CCDC171: variants seen among roughly 807,000 people sequenced by gnomAD.
CCDC171 encodes the protein coiled-coil domain-containing protein 171.
Under a neutral mutation model 168.2 loss-of-function variants are expected in CCDC171, and 177 were observed. That is an observed-to-expected ratio of 1.05 (90% CI 0.93 to 1.19). The LOEUF (loss-of-function observed/expected upper bound fraction) is 1.19, where lower values mean the gene tolerates loss of function less well. CCDC171 is among the 50% of genes most tolerant of loss of function. CCDC171 has a pLI of 0.00. For missense variants in CCDC171, 1,991 were observed against 1,539.0 expected (o/e 1.29, Z -4.91); for synonymous variants, 687 against 540.8 (o/e 1.27, Z -3.75).
At chr9:15,792,973 A>G (rs1259010678) in intron 21 of CCDC171, among the ~76,000 whole-genome samples, 2 of 152,078 alleles carry the variant, frequency 1.3e-5, no homozygotes, top group South Asian at 2.1e-4. Flanking sequence ...ACACATAACA[A>G]TATTAACCTT....
At chr9:15,778,643 CAAAAAAA>C (rs527592822) in intron 19 of CCDC171, among the ~76,000 whole-genome samples, 1 of 58,770 alleles carries the variant, frequency 1.7e-5, no homozygotes, top group African/African-American at 6.7e-5. Flanking sequence ...AAGACTGTCT[CAAAAAAA>C]AAAAAAAAAA....
At chr9:15,648,209 A>C (rs1355518101) in intron 7 of CCDC171, among the ~76,000 whole-genome samples, 3 of 152,238 alleles carry the variant, frequency 2.0e-5, no homozygotes, top group Non-Finnish European at 4.4e-5. Flanking sequence ...CCTTCATGCT[A>C]AAAACTCTCA....
intron 10 of CCDC171, among the ~76,000 whole-genome samples, chr9:15,688,162 A>T (rs542988115): frequency 6.6e-6 from 1 of 151,836 alleles, no homozygotes; most frequent in Non-Finnish European, 1.5e-5. Context: ...TAGAAAATCA[A>T]TGCAATAGCA....
At chr9:16,039,856 GT>G (rs1157203121), upstream of CCDC171, among the ~76,000 whole-genome samples, 2 of 152,248 alleles carry the variant, frequency 1.3e-5, no homozygotes, top group East Asian at 3.9e-4. Context: ...CTGTGTGTGT[GT>G]GTAATGGGGT....
At chr9:15,949,124 G>A (rs535419623) in intron 25 of CCDC171, among the ~76,000 whole-genome samples, 16 of 152,174 alleles carry the variant, frequency 1.1e-4, no homozygotes, top group African/African-American at 3.9e-4. Flanking sequence ...TCAAAGATCA[G>A]ATAGTTGTAG....
rs565225305 is a variant in CCDC171 at position 15,984,319 on chromosome 9, C to T, written n.369-36270C>T. On this transcript the variant is annotated intron_variant and non_coding_transcript_variant, in intron 3 of 9. Transcript: ENST00000486641. ...CTTAAAAGATGATGCTAACTTTGTG[C>T]CGGTAATAGTGTCACTGTGGTTAGG... Among the ~76,000 whole-genome samples the T allele has an allele frequency of 8.0e-4, 122 of 152,082 alleles. 3 individuals carry two copies. The highest frequency in any genetic ancestry group is 2.9e-3 in the African/African-American group (120 of 41,496).
At chr9:16,088,221 C>T in the CCDC171 span, among the ~76,000 whole-genome samples, 46 of 152,264 alleles carry the variant, frequency 3.0e-4, no homozygotes, top group African/African-American at 1.1e-3. Flanking sequence ...TGGAACGTAT[C>T]TCAAAATAAT....
chr9:15,855,666 C>A (rs1038544835), intron 23 of CCDC171, among the ~76,000 whole-genome samples: 3 of 151,766 alleles, frequency 2.0e-5, no homozygotes, highest in Non-Finnish European at 2.9e-5. Flanking sequence ...GGTAGTGTAC[C>A]ATTTTTTATT....
chr9:15,806,183 A>T (rs2059066931), intron 21 of CCDC171, among the ~76,000 whole-genome samples: 1 of 152,212 alleles, frequency 6.6e-6, no homozygotes, highest in East Asian at 1.9e-4. Context: ...TTGGTTCTTT[A>T]TCTAGCTTGC....
At chr9:16,013,054 C>T (rs1490803258) in intron 3 of CCDC171, among the ~76,000 whole-genome samples, 6 of 152,192 alleles carry the variant, frequency 3.9e-5, no homozygotes, top group Non-Finnish European at 8.8e-5. Flanking sequence ...TCAGATCTGT[C>T]AGCCTTTCCC....
intron 11 of CCDC171, among the ~76,000 whole-genome samples, chr9:15,712,342 C>G (rs77757070): frequency 6.6e-6 from 1 of 152,188 alleles, no homozygotes; most frequent in African/African-American, 2.4e-5. Flanking sequence ...TCCCTGGTAA[C>G]CTCCATTCTA....
chr9:15,655,909 A>G (rs890465400), intron 7 of CCDC171, among the ~76,000 whole-genome samples: 1 of 152,192 alleles, frequency 6.6e-6, no homozygotes, highest in African/African-American at 2.4e-5. Flanking sequence ...GAAACCAAAA[A>G]CAGAAAATGA....
intron 21 of CCDC171, among the ~76,000 whole-genome samples, chr9:15,833,944 T>C (rs2060337618): frequency 6.6e-6 from 1 of 152,176 alleles, no homozygotes; most frequent in Non-Finnish European, 1.5e-5. Flanking sequence ...ATGACAATAC[T>C]GTAGTAAGAC....
chr9:15,667,586 C>T (rs2048823909), intron 9 of CCDC171, among the ~76,000 whole-genome samples: 1 of 152,084 alleles, frequency 6.6e-6, no homozygotes, highest in Admixed American at 6.5e-5. Flanking sequence ...GCAGAGGTTG[C>T]AGTGAGCTGA....
chr9:15,623,042 A>G (rs1218848319), intron 6 of CCDC171, among the ~76,000 whole-genome samples: 1 of 152,216 alleles, frequency 6.6e-6, no homozygotes, highest in Non-Finnish European at 1.5e-5. Context: ...TTTCCGTTGT[A>G]ATATTAATCA....
the CCDC171 span, among the ~76,000 whole-genome samples, chr9:16,085,806 G>GT: frequency 6.6e-6 from 1 of 152,212 alleles, no homozygotes; most frequent in Non-Finnish European, 1.5e-5. Context: ...GACCTAGTCT[G>GT]TATGATTATC....
At chr9:16,053,677 G>A (rs1043311749) in intron 1 of CCDC171, among the ~76,000 whole-genome samples, 4 of 152,180 alleles carry the variant, frequency 2.6e-5, no homozygotes, top group Admixed American at 6.5e-5. Context: ...TATTTGCCAC[G>A]AAGGCTGAAT....
chr9:15,704,641 A>G (rs2052063882), intron 11 of CCDC171, among the ~76,000 whole-genome samples: 1 of 152,206 alleles, frequency 6.6e-6, no homozygotes, highest in African/African-American at 2.4e-5. Context: ...TAGAGCTGGC[A>G]GAAATTCTCA....
intron 4 of CCDC171, among the ~76,000 whole-genome samples, chr9:15,590,756 CTTCTTTCTTTCTTTCTCTTTCT>C (rs1563999336): frequency 3.3e-5 from 4 of 122,370 alleles, no homozygotes; most frequent in Admixed American, 1.9e-4. Flanking sequence ...AGATTTTTTT[CTTCTTTCTTTCTTTCTCTTTCT>C]TTCTTTCTTT....
Sources: allele counts gnomAD v4.1 joint callset (sites outside exome capture counted in the v4.1 genomes callset), GRCh38; gene constraint gnomAD v4.1.1; transcripts MANE v1.5; gene names NCBI Gene and HGNC (gene_info 2026-07-23, HGNC 2026-07-21).